The following SLC71A1 variants were observed in gnomAD, a reference collection of about 807,000 sequenced individuals.
SLC71A1 encodes the protein solute carrier family 71 member 1.
the SLC71A1 span, among the ~76,000 whole-genome samples, chr1:100,065,016 C>T: frequency 1.3e-5 from 2 of 152,092 alleles, no homozygotes; most frequent in Non-Finnish European, 2.9e-5. Flanking sequence ...TCCACCTCAG[C>T]CTCCCGAGTA....
the SLC71A1 span, among the ~76,000 whole-genome samples, chr1:100,061,618 C>G: frequency 2.0e-5 from 3 of 152,120 alleles, no homozygotes; most frequent in East Asian, 1.9e-4. Flanking sequence ...TTTAAGTATT[C>G]CTGTATAGTA....
the SLC71A1 span, among the ~76,000 whole-genome samples, chr1:100,056,212 C>CCATGAGTTCAGTTGTTGTAATTTTTAG: frequency 6.6e-6 from 1 of 152,152 alleles, no homozygotes; most frequent in Non-Finnish European, 1.5e-5. Flanking sequence ...TGCTCTGTCT[C>CCATGAGTTCAGTTGTTGTAATTTTTAG]CATGAGTTCA....
At chr1:100,042,224 T>C in the SLC71A1 span, among the ~76,000 whole-genome samples, 1 of 152,222 alleles carries the variant, frequency 6.6e-6, no homozygotes. Flanking sequence ...GGAAAATGTA[T>C]AGTTCTTTCA....
the SLC71A1 span, among the ~76,000 whole-genome samples, chr1:100,059,547 TTA>T: frequency 2.3e-4 from 34 of 150,154 alleles, no homozygotes; most frequent in African/African-American, 4.9e-4. Context: ...GTTTTATGTT[TTA>T]TATATATATA....
At chr1:100,072,851 A>G in the SLC71A1 span, among the ~76,000 whole-genome samples, 1 of 152,140 alleles carries the variant, frequency 6.6e-6, no homozygotes, top group Admixed American at 6.5e-5. Flanking sequence ...ACATCAATAT[A>G]GTTCTACACA....
At chr1:100,051,615 C>T in the SLC71A1 span, among the ~76,000 whole-genome samples, 1 of 152,116 alleles carries the variant, frequency 6.6e-6, no homozygotes. Context: ...ATTGTAATAA[C>T]CTGTTTTTGT....
the SLC71A1 span, among the ~76,000 whole-genome samples, chr1:100,058,416 A>C: frequency 2.6e-5 from 4 of 152,190 alleles, no homozygotes; most frequent in African/African-American, 9.7e-5. Context: ...TCTGCATATC[A>C]GTTTTCTGAT....
the SLC71A1 span, chr1:100,080,426 T>A: frequency 8.2e-7 from 1 of 1,221,174 alleles, no homozygotes; most frequent in African/African-American, 1.5e-5. Flanking sequence ...ATTTCATATT[T>A]GTACTGGTTC....
the SLC71A1 span, chr1:100,068,333 T>G: frequency 5.4e-6 from 5 of 933,780 alleles, no homozygotes; most frequent in Non-Finnish European, 8.1e-6. Context: ...TTCAGAATAG[T>G]TTGGGGAATA....
chr1:100,038,376 GACCCCCAC>G, the SLC71A1 span: 52 of 1,364,728 alleles, frequency 3.8e-5, no homozygotes, highest in Non-Finnish European at 5.0e-5. Flanking sequence ...CTCTCCTTCA[GACCCCCAC>G]ACTGCCGTCT....
the SLC71A1 span, among the ~76,000 whole-genome samples, chr1:100,045,416 A>C: frequency 2.0e-5 from 3 of 152,102 alleles, no homozygotes; most frequent in African/African-American, 7.2e-5. Context: ...AGGGTTTTCT[A>C]GGTATACAGT....
the SLC71A1 span, among the ~76,000 whole-genome samples, chr1:100,047,403 GA>G: frequency 6.6e-6 from 1 of 152,114 alleles, no homozygotes; most frequent in East Asian, 1.9e-4. Flanking sequence ...AATCCCACTT[GA>G]ACATGATGAA....
the SLC71A1 span, among the ~76,000 whole-genome samples, chr1:100,050,187 G>C: frequency 6.6e-6 from 1 of 151,850 alleles, no homozygotes; most frequent in Non-Finnish European, 1.5e-5. Flanking sequence ...TTTTTGGGAG[G>C]GGGGTGGCGT....
the SLC71A1 span, chr1:100,078,731 T>G: frequency 2.0e-6 from 1 of 500,678 alleles, no homozygotes; most frequent in South Asian, 3.3e-5. Context: ...ATATTCCCTT[T>G]TCTCTCACTT....
At chr1:100,069,606 C>T in the SLC71A1 span, 1 of 1,592,276 alleles carries the variant, frequency 6.3e-7, no homozygotes, top group Admixed American at 1.7e-5. Flanking sequence ...TTCTGGAAAC[C>T]CTTCTAGATA....
the SLC71A1 span, among the ~76,000 whole-genome samples, chr1:100,044,879 C>A: frequency 6.6e-6 from 1 of 152,084 alleles, no homozygotes; most frequent in Admixed American, 6.6e-5. Context: ...ATTTTTATAC[C>A]AGTACCATGC....
the SLC71A1 span, chr1:100,082,301 A>T: frequency 3.1e-6 from 3 of 977,192 alleles, no homozygotes; most frequent in Non-Finnish European, 3.1e-6. Flanking sequence ...TCCACAGTGT[A>T]CTTTAAGATT....
chr1:100,047,041 G>A, the SLC71A1 span, among the ~76,000 whole-genome samples: 1 of 152,136 alleles, frequency 6.6e-6, no homozygotes, highest in Non-Finnish European at 1.5e-5. Flanking sequence ...TAATTTGCAT[G>A]CCTTTTATTT....
At chr1:100,056,283 C>T in the SLC71A1 span, among the ~76,000 whole-genome samples, 1 of 152,182 alleles carries the variant, frequency 6.6e-6, no homozygotes, top group African/African-American at 2.4e-5. Context: ...TCCTTTTGTG[C>T]CTGGCTTATT....
Sources: gnomAD v4.1 joint callset for allele counts (sites outside exome capture counted in the v4.1 genomes callset) on GRCh38, gnomAD v4.1.1 for gene constraint, MANE v1.5 for transcripts, NCBI Gene and HGNC (gene_info 2026-07-23, HGNC 2026-07-21) for gene names.